The following LIMCH1 variants were observed in gnomAD, a reference collection of about 807,000 sequenced individuals.
LIMCH1 encodes LIM and calponin homology domains 1.
Under a neutral mutation model 176.5 loss-of-function variants are expected in LIMCH1, and 113 were observed. The ratio of observed to expected loss-of-function variants is 0.64; its 90% CI spans 0.55 to 0.75. LIMCH1 has a LOEUF of 0.75. Ranked by LOEUF, LIMCH1 falls within the 30% of genes least tolerant of loss-of-function variation. The pLI, the probability that LIMCH1 is intolerant of heterozygous loss-of-function variation, is 0.00. For missense variants in LIMCH1, 1,674 were observed against 1,814.9 expected, an observed-to-expected ratio of 0.92 and a Z score of 1.41; for synonymous variants, 619 against 645.9, an observed-to-expected ratio of 0.96 and a Z score of 0.63.
At chr4:41,495,327 A>G (rs1371670298) in intron 2 of LIMCH1, among the ~76,000 whole-genome samples, 1 of 152,272 alleles carries the variant, frequency 6.6e-6, no homozygotes, top group East Asian at 1.9e-4. Flanking sequence ...ACAATGAAAC[A>G]CACAGCTCCT....
At chr4:41,659,707 C>G (rs2094557534) in intron 18 of LIMCH1, among the ~76,000 whole-genome samples, 1 of 152,126 alleles carries the variant, frequency 6.6e-6, no homozygotes, top group Non-Finnish European at 1.5e-5. Flanking sequence ...ATATTTCATA[C>G]ACACTTTAAA....
intron 1 of LIMCH1, among the ~76,000 whole-genome samples, chr4:41,567,371 T>C (rs2082914109): frequency 6.6e-6 from 1 of 152,254 alleles, no homozygotes; most frequent in Admixed American, 6.5e-5. Context: ...GTAAGTGTTT[T>C]TGTTGGCTTT....
At chr4:41,652,122 T>G (rs894141430) in intron 18 of LIMCH1, among the ~76,000 whole-genome samples, 8 of 152,200 alleles carry the variant, frequency 5.3e-5, no homozygotes, top group African/African-American at 1.9e-4. Context: ...AGGTTTGGTG[T>G]GAAAGGAAAC....
intron 2 of LIMCH1, among the ~76,000 whole-genome samples, chr4:41,523,967 ATG>A (rs2076365454): frequency 6.6e-6 from 1 of 152,204 alleles, no homozygotes; most frequent in African/African-American, 2.4e-5. Flanking sequence ...CTGACTTAGA[ATG>A]TGTCTTGGCG....
chr4:41,622,741 T>C (rs1220249761), intron 7 of LIMCH1, among the ~76,000 whole-genome samples: 1 of 152,232 alleles, frequency 6.6e-6, no homozygotes, highest in Non-Finnish European at 1.5e-5. Flanking sequence ...ATATATTATC[T>C]TTGTTTATTT....
At chr4:41,604,211 C>T (rs1277286846) in intron 3 of LIMCH1, 4 of 984,834 alleles carry the variant, frequency 4.1e-6, no homozygotes, top group East Asian at 2.3e-4. Context: ...TAACATTAGC[C>T]CCTTTCCATT....
At chr4:41,533,937 A>T (rs1445787528), upstream of LIMCH1, among the ~76,000 whole-genome samples, 2 of 152,172 alleles carry the variant, frequency 1.3e-5, no homozygotes, top group African/African-American at 4.8e-5. Context: ...CTGCAGCTGG[A>T]CGCAGAGTCC....
At chr4:41,426,558 A>G (rs1032146789) in intron 1 of LIMCH1, among the ~76,000 whole-genome samples, 3 of 152,220 alleles carry the variant, frequency 2.0e-5, no homozygotes, top group African/African-American at 7.2e-5. Context: ...GGTTCTCTAC[A>G]TATTACTGCC....
At chr4:41,429,636 A>G (rs2061421273) in intron 1 of LIMCH1, among the ~76,000 whole-genome samples, 2 of 152,116 alleles carry the variant, frequency 1.3e-5, no homozygotes, top group South Asian at 4.1e-4. Flanking sequence ...TGGCACTTAT[A>G]TTTTTCCAGT....
chr4:41,584,871 C>A (rs780538268), intron 1 of LIMCH1, among the ~76,000 whole-genome samples: 58 of 152,304 alleles, frequency 3.8e-4, no homozygotes, highest in Admixed American at 1.8e-3. Flanking sequence ...GACTTTATTT[C>A]TCACAGTTCT....
At chr4:41,525,178 G>C (rs1025256070) in intron 3 of LIMCH1, among the ~76,000 whole-genome samples, 9 of 152,218 alleles carry the variant, frequency 5.9e-5, no homozygotes. Flanking sequence ...AGAAGTAGAA[G>C]ATGAGGAAGA....
intron 2 of LIMCH1, among the ~76,000 whole-genome samples, chr4:41,517,341 G>A (rs1265922254): frequency 6.6e-6 from 1 of 152,126 alleles, no homozygotes; most frequent in African/African-American, 2.4e-5. Flanking sequence ...GTGTGTGCCC[G>A]AGACAGCAGG....
chr4:41,515,000 C>T (rs2075399479), intron 2 of LIMCH1, among the ~76,000 whole-genome samples: 1 of 152,184 alleles, frequency 6.6e-6, no homozygotes, highest in Non-Finnish European at 1.5e-5. Context: ...CTGGGCTTAG[C>T]TGGTGTGGGG....
At chr4:41,501,857 CTTTTTTTTTTTTT>C (rs71198662) in intron 2 of LIMCH1, among the ~76,000 whole-genome samples, 48 of 74,978 alleles carry the variant, frequency 6.4e-4, no homozygotes, top group Admixed American at 2.1e-3. Context: ...GTGTAGAATC[CTTTTTTTTTTTTT>C]TTTTTTTTTT....
intron 17 of LIMCH1, among the ~76,000 whole-genome samples, chr4:41,648,896 A>G (rs201520827): frequency 2.6e-5 from 4 of 151,768 alleles, no homozygotes; most frequent in African/African-American, 9.7e-5. Flanking sequence ...ATAGAATATA[A>G]TAAAAAAACA....
intron 2 of LIMCH1, among the ~76,000 whole-genome samples, chr4:41,523,547 C>T (rs929740144): frequency 9.2e-5 from 14 of 152,172 alleles, no homozygotes; most frequent in Admixed American, 3.3e-4. Context: ...GATTCCCGAA[C>T]GTGGAAATAA....
At chr4:41,499,446 A>G (rs1254809508) in intron 2 of LIMCH1, among the ~76,000 whole-genome samples, 1 of 152,218 alleles carries the variant, frequency 6.6e-6, no homozygotes, top group Non-Finnish European at 1.5e-5. Context: ...TTTAGCAATA[A>G]TATAGTAACG....
intron 1 of LIMCH1, among the ~76,000 whole-genome samples, chr4:41,591,791 A>G (rs2087622299): frequency 6.6e-6 from 1 of 152,196 alleles, no homozygotes; most frequent in Non-Finnish European, 1.5e-5. Flanking sequence ...ATCCATGATC[A>G]TGTTGATCTC....
chr4:41,575,838 C>T (rs959897070), intron 1 of LIMCH1, among the ~76,000 whole-genome samples: 1 of 152,160 alleles, frequency 6.6e-6, no homozygotes, highest in Non-Finnish European at 1.5e-5. Context: ...GGAGATTCCC[C>T]TATACTTTGG....
Sources: gnomAD v4.1 joint callset for allele counts (sites outside exome capture counted in the v4.1 genomes callset) on GRCh38, gnomAD v4.1.1 for gene constraint, MANE v1.5 for transcripts, NCBI Gene and HGNC (gene_info 2026-07-23, HGNC 2026-07-21) for gene names.